The following HMCN1 variants were observed in gnomAD, a reference collection of about 807,000 sequenced individuals.
HMCN1 encodes hemicentin 1, also known as hemicentin-1.
Under a neutral mutation model 625.9 loss-of-function variants are expected in HMCN1, and 321 were observed. The ratio of observed to expected loss-of-function variants is 0.51; its 90% CI spans 0.47 to 0.56. The LOEUF (loss-of-function observed/expected upper bound fraction) is 0.56. Among genes scored for constraint, HMCN1 ranks in the 20% least tolerant of loss-of-function variants. The probability of loss-of-function intolerance (pLI) is 0.00; values close to 1 mark genes in which losing one functional copy is unlikely to be tolerated. For synonymous variants in HMCN1, 2,425 were observed against 2,417.6 expected (o/e 1.00, Z -0.09); for missense variants, 6,588 against 6,887.3 (o/e 0.96, Z 1.54).
At chr1:185,773,185 T>G (rs1464273144) in intron 1 of HMCN1, among the ~76,000 whole-genome samples, 1 of 152,126 alleles carries the variant, frequency 6.6e-6, no homozygotes, top group Admixed American at 6.6e-5. Flanking sequence ...TGGAGACATT[T>G]TTGGTTATCA....
intron 49 of HMCN1, 57 bp from the exon 50 acceptor site, chr1:186,067,777 T>G (rs1658221707): frequency 8.2e-7 from 1 of 1,219,484 alleles, no homozygotes; most frequent in Non-Finnish European, 1.2e-6. Context: ...AATTTAGAAA[T>G]GCACAAATAT....
At chr1:186,101,882 A>T (rs1013503748) in intron 68 of HMCN1, among the ~76,000 whole-genome samples, 2 of 152,154 alleles carry the variant, frequency 1.3e-5, no homozygotes, top group Admixed American at 6.6e-5. Context: ...TACGAAAATG[A>T]AAAAGCATAG....
At chr1:185,851,645 C>A (rs1662168732) in intron 2 of HMCN1, among the ~76,000 whole-genome samples, 1 of 152,072 alleles carries the variant, frequency 6.6e-6, no homozygotes, top group African/African-American at 2.4e-5. Context: ...CGTAAATATG[C>A]AGTGCAAAGC....
Position 185,913,736 on chromosome 1 carries a change from G to A in HMCN1, c.900+1956G>A, listed in dbSNP as rs1374722598. Among the ~76,000 whole-genome samples, 3 of 152,142 alleles carry A rather than the reference G, an allele frequency of 2.0e-5. No individual in the cohort carries two copies. The East Asian group carries it at 5.8e-4, about 29-fold the overall frequency. The stretch of plus-strand genomic sequence containing the variant: ...CTTGCCCAGAGGAGGGATATTGCAT[G>A]ACTGTTATTTTACCTTGTGCCTCAC... On this transcript the variant is annotated intron_variant, in intron 6 of 106. Coordinates refer to ENST00000271588, the MANE Select transcript of HMCN1 (RefSeq NM_031935.3).
chr1:186,069,587 TA>T, intron 50 of HMCN1, 75 bp from the exon 51 acceptor site: 1 of 878,544 alleles, frequency 1.1e-6, no homozygotes. Flanking sequence ...CAAGAAGACG[TA>T]AACCCCTGAT....
chr1:186,162,121 T>C (rs1175732870), intron 97 of HMCN1, among the ~76,000 whole-genome samples: 1 of 152,198 alleles, frequency 6.6e-6, no homozygotes, highest in Non-Finnish European at 1.5e-5. Context: ...TCGTTTCTTT[T>C]TATTCTTTTT....
chr1:185,984,042 G>T, intron 18 of HMCN1, 127 bp from the exon 19 acceptor site: 1 of 688,548 alleles, frequency 1.5e-6, no homozygotes, highest in Non-Finnish European at 2.5e-6. Context: ...TTCACTTAAG[G>T]ACATTAGAAT....
At chr1:186,138,077 G>A in intron 89 of HMCN1, 105 bp downstream of exon 89, 2 of 1,194,994 alleles carry the variant, frequency 1.7e-6, no homozygotes, top group Non-Finnish European at 2.4e-6. Context: ...AGATGTTATG[G>A]CCTCTACCCT....
At chr1:185,965,988 A>T in intron 14 of HMCN1, 73 bp downstream of exon 14, 1 of 1,006,618 alleles carries the variant, frequency 9.9e-7, no homozygotes, top group Admixed American at 1.7e-5. Context: ...GATTTGTTAA[A>T]ACTTTGTTTT....
intron 11 of HMCN1, among the ~76,000 whole-genome samples, chr1:185,950,684 A>C (rs569165305): frequency 0.051 from 7,730 of 151,146 alleles, 420 homozygotes; most frequent in African/African-American, 0.14. Context: ...CAGCCTAGGT[A>C]ATTTGCTGAG....
At chr1:185,931,899 G>T (rs1231236207) in intron 10 of HMCN1, among the ~76,000 whole-genome samples, 1 of 152,102 alleles carries the variant, frequency 6.6e-6, no homozygotes, top group Non-Finnish European at 1.5e-5. Flanking sequence ...TCACTAAATT[G>T]GCTTATCTAA....
chr1:185,903,852 G>A (rs1002406152), intron 4 of HMCN1, among the ~76,000 whole-genome samples: 5 of 151,738 alleles, frequency 3.3e-5, no homozygotes, highest in Admixed American at 3.3e-4. Context: ...TGCAAGTCTA[G>A]AACACTTGTG....
intron 36 of HMCN1, among the ~76,000 whole-genome samples, chr1:186,036,653 C>T (rs774973765): frequency 9.9e-5 from 15 of 151,360 alleles, no homozygotes; most frequent in Non-Finnish European, 1.5e-4. Flanking sequence ...TGCAATGGCA[C>T]GATCTCAGCT....
chr1:186,055,763 T>G, intron 45 of HMCN1, 89 bp downstream of exon 45: 1 of 1,271,404 alleles, frequency 7.9e-7, no homozygotes, highest in Non-Finnish European at 1.1e-6. Flanking sequence ...GTACTGAAAG[T>G]CATTTATTTA....
Position 185,826,086 on chromosome 1 carries a change from T to C in HMCN1, c.269-19940T>C, listed in dbSNP as rs1660492863. Among the ~76,000 whole-genome samples, 4 of 151,924 alleles carry C rather than the reference T, an allele frequency of 2.6e-5. No individual in the cohort carries two copies. In the Middle Eastern group the frequency reaches 0.014, roughly 517 times the overall value. ...AGATAATACCCAACTTGCAGGGCTA[T>C]TTTGAGGCATATACAATAAAGTAGT... is the stretch of plus-strand genomic sequence containing the variant. On this transcript the variant is annotated intron_variant, in intron 1 of 106. Transcript: ENST00000271588.
intron 1 of HMCN1, among the ~76,000 whole-genome samples, chr1:185,805,027 A>C (rs1216902061): frequency 6.6e-6 from 1 of 152,202 alleles, no homozygotes; most frequent in Non-Finnish European, 1.5e-5. Flanking sequence ...TACACCTGAC[A>C]GATTCTAGTG....
chr1:186,016,039 A>G lies in HMCN1; in HGVS notation c.4991A>G (p.Lys1664Arg). ...GCTCATTCTCTGACACTGGAGTGCA[A>G]AGCTGCTGGAAACCCTTCTCCCATT... The part of the protein sequence containing the change: ...VIAHSLTLEC[K>R]AAGNPSPILT... Residue 1664 changes from lysine to arginine, a missense_variant, in exon 32 of 107, where the codon AAA becomes AGA. This residue lies in a region of HMCN1 where 4,628 missense variants were observed against 4,853.1 expected (regional missense o/e 0.95). Coordinates refer to ENST00000271588, the MANE Select transcript of HMCN1 (RefSeq NM_031935.3). The G allele has an allele frequency of 6.2e-7, 1 of 1,613,474 alleles. No homozygotes were observed. Among genetic ancestry groups the G allele is most frequent in the Non-Finnish European group, 8.5e-7 (1 of 1,179,600 alleles).
At position 186,015,132 on chromosome 1, in the gene HMCN1, T is replaced by C. The variant is rs747603796; in HGVS notation, c.4631-27T>C. ...ATGAAGATGCTGAAACTTAGATGACTTGTTTTTGTTCTGAAATCCTTTGTA... is the reference window on the plus strand; with the variant it reads ...ATGAAGATGCTGAAACTTAGATGACCTGTTTTTGTTCTGAAATCCTTTGTA... On this transcript the variant is annotated intron_variant, in intron 30 of 106. Coordinates refer to ENST00000271588, the MANE Select transcript of HMCN1 (RefSeq NM_031935.3). The C allele has an allele frequency of 2.5e-6, 4 of 1,607,116 alleles. No individual in the cohort carries two copies. The African/African-American group carries it at 5.4e-5, about 22-fold the overall frequency.
intron 102 of HMCN1, among the ~76,000 whole-genome samples, chr1:186,172,911 C>G (rs1652322423): frequency 6.6e-6 from 1 of 152,032 alleles, no homozygotes; most frequent in Non-Finnish European, 1.5e-5. Context: ...GTGACTGTAT[C>G]CAGTAGGAGT....
Sources: gnomAD v4.1 joint callset for allele counts (sites outside exome capture counted in the v4.1 genomes callset) on GRCh38, gnomAD v4.1.1 for gene constraint, gnomAD v4.1.1 regional missense constraint, MANE v1.5 for transcripts, NCBI Gene and HGNC (gene_info 2026-07-23, HGNC 2026-07-21) for gene names.